UQCRH: variants seen among roughly 807,000 people sequenced by gnomAD.
UQCRH encodes ubiquinol-cytochrome c reductase hinge protein.
UQCRH carries 14 observed loss-of-function variants against 16.3 expected under a neutral mutation model. The ratio of observed to expected loss-of-function variants is 0.86; its 90% CI spans 0.57 to 1.34. The LOEUF is 1.34. UQCRH is among the 40% of genes most tolerant of loss of function. The pLI is 0.00. For synonymous variants in UQCRH, 41 were observed against 41.9 expected (o/e 0.98, Z 0.08); for missense variants, 89 against 111.9 (o/e 0.80, Z 0.92).
At chr1:46,305,315 A>AC (rs1252253485) in intron 1 of UQCRH, among the ~76,000 whole-genome samples, 4 of 151,232 alleles carry the variant, frequency 2.6e-5, no homozygotes, top group African/African-American at 9.7e-5. Flanking sequence ...AAAAAAAAAA[A>AC]AAAAAACTAA....
intron 1 of UQCRH, among the ~76,000 whole-genome samples, chr1:46,305,343 G>C (rs1355996916): frequency 6.7e-6 from 1 of 149,414 alleles, no homozygotes; most frequent in African/African-American, 2.5e-5. Context: ...AATGGAGCCT[G>C]CCTCAGAAAG....
intron 1 of UQCRH, among the ~76,000 whole-genome samples, chr1:46,306,848 G>A (rs1661385558): frequency 6.6e-6 from 1 of 152,094 alleles, no homozygotes; most frequent in Non-Finnish European, 1.5e-5. Flanking sequence ...ATGAGCTTTG[G>A]TGGCTTCACT....
chr1:46,309,809 A>G (rs1354852952), intron 2 of UQCRH: 2 of 1,204,110 alleles, frequency 1.7e-6, no homozygotes, highest in African/African-American at 1.6e-5. Flanking sequence ...CAGACGTGTC[A>G]TATTCCAAAA....
rs181552909 is a variant in UQCRH, at chr1:46,304,802, C to T, written c.54+982C>T. On this transcript the variant is annotated intron_variant, in intron 1 of 3. Coordinates refer to ENST00000311672, the MANE Select transcript of UQCRH (RefSeq NM_006004.4). ...AAATATCTTTTCTAAGGTCATGCAGCTACCAAATTGGTGCAGCCAGGAATT... is the reference window on the plus strand; with the variant it reads ...AAATATCTTTTCTAAGGTCATGCAGTTACCAAATTGGTGCAGCCAGGAATT... 4.3e-3 allele frequency among the ~76,000 whole-genome samples: 660 copies of T among 152,320 alleles called. 8 individuals are homozygous for T. Among genetic ancestry groups the T allele is most frequent in the African/African-American group, 0.015 (619 of 41,554 alleles).
chr1:46,306,707 C>A (rs1291130302), intron 1 of UQCRH, among the ~76,000 whole-genome samples: 1 of 152,082 alleles, frequency 6.6e-6, no homozygotes, highest in Admixed American at 6.6e-5. Flanking sequence ...CATTAAGAAA[C>A]CTTGTTAATG....
At chr1:46,314,839 T>TA (rs34703007) in intron 3 of UQCRH, among the ~76,000 whole-genome samples, 96,905 of 152,026 alleles carry the variant, frequency 0.64, 32,712 homozygotes, top group East Asian at 0.84. Context: ...AGAATGGTAG[T>TA]AACCAGGAGC....
At chr1:46,309,824 G>C (rs1372312405) in intron 2 of UQCRH, 3 of 1,258,592 alleles carry the variant, frequency 2.4e-6, no homozygotes, top group Non-Finnish European at 3.0e-6. Flanking sequence ...CCAAAATGCT[G>C]TGTTAACAAG....
In UQCRH at chr1:46,310,264, A is replaced by C; in HGVS notation, c.191A>C (p.Glu64Ala). 6.2e-7 allele frequency: 1 copy of C among 1,614,134 alleles called. No homozygotes were observed. Among genetic ancestry groups the C allele is most frequent in the Non-Finnish European group, 8.5e-7 (1 of 1,180,022 alleles). The change falls in exon 3 of 4, where the codon GAA becomes GCA. Residue 64 changes from glutamate (E) to alanine (A), a missense_variant. Coordinates refer to ENST00000311672, the MANE Select transcript of UQCRH (RefSeq NM_006004.4). ...CGTGTATCCTCTCGATCACATACAG[A>C]AGAGGATTGCACGGAGGAGCTCTTT... is the stretch of plus-strand genomic sequence containing the variant. ...DERVSSRSHT[E>A]EDCTEELFDF...
intron 3 of UQCRH, among the ~76,000 whole-genome samples, chr1:46,313,683 A>AGATAGATG (rs1661525639): frequency 6.6e-6 from 1 of 151,020 alleles, no homozygotes; most frequent in South Asian, 2.1e-4. Flanking sequence ...ATAGATAGAT[A>AGATAGATG]GATATAGATA....
intron 3 of UQCRH, among the ~76,000 whole-genome samples, chr1:46,312,716 A>G (rs1447055484): frequency 3.3e-5 from 5 of 152,074 alleles, no homozygotes. Flanking sequence ...AAAAATCAAA[A>G]TTAAAAAAAT....
chr1:46,310,597 ACTACAAGTGCATG>A (rs1034396395), intron 3 of UQCRH, among the ~76,000 whole-genome samples: 1 of 152,162 alleles, frequency 6.6e-6, no homozygotes, highest in Non-Finnish European at 1.5e-5. Context: ...AGTAGCTGGG[ACTACAAGTGCATG>A]CCACCATGAG....
intron 1 of UQCRH, among the ~76,000 whole-genome samples, chr1:46,308,778 C>G (rs1205017884): frequency 6.6e-6 from 1 of 152,184 alleles, no homozygotes; most frequent in Non-Finnish European, 1.5e-5. Flanking sequence ...GAGTTTGTGG[C>G]TGCAGTGAGC....
rs528833069 is a variant in UQCRH, at chr1:46,311,037, C to T, written c.243+721C>T. On this transcript the variant is annotated intron_variant, in intron 3 of 3. Transcript: ENST00000311672. ...GAGCCGAGATTGCGCCACTGCAGTC[C>T]GCAGTCTGGCCTGGGCGACAGAGCG... Among the ~76,000 whole-genome samples the T allele has an allele frequency of 5.4e-4, 81 of 149,614 alleles. 1 individual carries two copies. The highest frequency in any genetic ancestry group is 1.9e-3 in the African/African-American group (79 of 40,556).
chr1:46,310,354 A>G, intron 3 of UQCRH, 38 bp downstream of exon 3: 1 of 1,612,298 alleles, frequency 6.2e-7, no homozygotes, highest in South Asian at 1.1e-5. Context: ...AAAGGTTGCA[A>G]TGGTCAGGGA....
At position 46,310,145 on chromosome 1, in the gene UQCRH, T is replaced by A; in HGVS notation, c.82-10T>A. ...ATGCCCATTTTGTTTTTTTTCTGTT[T>A]CTACATCAGGATCCCCTAACAACAG... On this transcript the variant is annotated splice_polypyrimidine_tract_variant and intron_variant, in intron 2 of 3. Coordinates refer to ENST00000311672, the MANE Select transcript of UQCRH (RefSeq NM_006004.4). 4 of 1,614,200 alleles carry A rather than the reference T, an allele frequency of 2.5e-6. No individual in the cohort carries two copies. Among genetic ancestry groups the A allele is most frequent in the Non-Finnish European group, 3.4e-6 (4 of 1,180,038 alleles).
At chr1:46,316,427 T>C in intron 3 of UQCRH, 125 bp from the exon 4 acceptor site, 1 of 1,278,454 alleles carries the variant, frequency 7.8e-7, no homozygotes, top group Non-Finnish European at 1.1e-6. Context: ...ACTCAAGTGC[T>C]GCTTGCCTAT....
chr1:46,313,804 G>C (rs1661527900), intron 3 of UQCRH, among the ~76,000 whole-genome samples: 2 of 151,446 alleles, frequency 1.3e-5, no homozygotes, highest in Non-Finnish European at 2.9e-5. Context: ...TCACGCCACT[G>C]CACTCCAGCC....
intron 1 of UQCRH, among the ~76,000 whole-genome samples, chr1:46,307,699 C>A (rs527626903): frequency 2.4e-4 from 37 of 152,318 alleles, no homozygotes; most frequent in African/African-American, 8.9e-4. Context: ...TTTCCAAGCT[C>A]ATGAGTGGAG....
chr1:46,311,841 G>C (rs912702864), intron 3 of UQCRH, among the ~76,000 whole-genome samples: 7 of 151,574 alleles, frequency 4.6e-5, no homozygotes, highest in Non-Finnish European at 1.0e-4. Context: ...TGTTAGCCAA[G>C]ATGGTCTCAG....
Sources: gnomAD v4.1 joint callset for allele counts (sites outside exome capture counted in the v4.1 genomes callset) on GRCh38, gnomAD v4.1.1 for gene constraint, MANE v1.5 for transcripts, NCBI Gene and HGNC (gene_info 2026-07-23, HGNC 2026-07-21) for gene names.